Variants in COP1 observed in about 807,000 individuals in gnomAD.
COP1 encodes COP1 E3 ubiquitin ligase.
A neutral mutation model predicts 101.3 loss-of-function variants in COP1; 24 were observed. The observed-to-expected ratio is 0.24, with a 90% CI of 0.17 to 0.33. The LOEUF (loss-of-function observed/expected upper bound fraction) is 0.33. Ranked by LOEUF, COP1 falls within the 10% of genes least tolerant of loss-of-function variation. The probability of loss-of-function intolerance (pLI) is 1.00; values close to 1 mark genes in which losing one functional copy is unlikely to be tolerated. For missense variants in COP1, 663 were observed against 906.2 expected (o/e 0.73, Z 3.45); for synonymous variants, 347 against 341.9 (o/e 1.01, Z -0.17).
rs1361049286 is a variant in COP1 at position 175,947,270 on chromosome 1, G to C, written c.2134-31C>G. 3.3e-6 allele frequency: 5 copies of C among 1,525,574 alleles called. No homozygotes were observed. In the African/African-American group the frequency reaches 5.5e-5, roughly 17 times the overall value. The allele number at this position is 1,525,574 out of a possible 1,614,324, so 94.5% of individuals were successfully genotyped here. On this transcript the variant is annotated intron_variant, in intron 18 of 19. Transcript: ENST00000367669. The stretch of plus-strand genomic sequence containing the variant: ...AAAGAACAAGAGCTTTTAAAGTATA[G>C]AGAAGGATTTCCTGGAGAGCAATCC...
intron 15 of COP1, among the ~76,000 whole-genome samples, chr1:176,008,205 C>T (rs1055898035): frequency 5.9e-5 from 9 of 152,152 alleles, no homozygotes; most frequent in African/African-American, 9.7e-5. Flanking sequence ...CATCAGCTCG[C>T]GCACGGTGCA....
At chr1:176,201,210 T>A (rs1700231713) in intron 1 of COP1, among the ~76,000 whole-genome samples, 1 of 152,020 alleles carries the variant, frequency 6.6e-6, no homozygotes, top group Admixed American at 6.5e-5. Context: ...AAAAAACCCC[T>A]AAAATCCAAA....
intron 18 of COP1, among the ~76,000 whole-genome samples, chr1:175,970,559 G>C (rs993869805): frequency 6.6e-6 from 1 of 152,048 alleles, no homozygotes; most frequent in East Asian, 1.9e-4. Flanking sequence ...GTAGATATAG[G>C]AACGACATTG....
intron 9 of COP1, among the ~76,000 whole-genome samples, chr1:176,111,894 A>G (rs1558131470): frequency 6.6e-6 from 1 of 152,170 alleles, no homozygotes; most frequent in African/African-American, 2.4e-5. Context: ...TGTCAGCTCC[A>G]TCTCAACACT....
chr1:176,062,292 G>A (rs974174535), intron 11 of COP1, among the ~76,000 whole-genome samples: 5 of 152,226 alleles, frequency 3.3e-5, no homozygotes, highest in Admixed American at 2.0e-4. Flanking sequence ...ATGAGCCACT[G>A]AGCCCGGCCA....
At chr1:176,054,860 T>G (rs12144692) in intron 11 of COP1, among the ~76,000 whole-genome samples, 10,557 of 152,228 alleles carry the variant, frequency 0.069, 459 homozygotes, top group Admixed American at 0.087. Context: ...TACCATAACT[T>G]TACAAAAAAA....
chr1:176,188,834 T>TAG (rs1553314490), intron 1 of COP1, among the ~76,000 whole-genome samples: 1 of 148,416 alleles, frequency 6.7e-6, no homozygotes, highest in Non-Finnish European at 1.5e-5. Flanking sequence ...AACACATAGA[T>TAG]ACACACACAC....
At chr1:176,142,339 A>G (rs1345758961) in intron 6 of COP1, among the ~76,000 whole-genome samples, 2 of 152,138 alleles carry the variant, frequency 1.3e-5, no homozygotes, top group Non-Finnish European at 1.5e-5. Context: ...GAAATATAAA[A>G]CAAAAAATAA....
intron 18 of COP1, among the ~76,000 whole-genome samples, chr1:175,962,341 G>T (rs545716203): frequency 1.3e-5 from 2 of 152,112 alleles, no homozygotes; most frequent in Non-Finnish European, 2.9e-5. Flanking sequence ...TACCAAAGAT[G>T]AGATGGTACT....
At chr1:175,956,582 G>A (rs1203963404) in intron 18 of COP1, among the ~76,000 whole-genome samples, 1 of 151,986 alleles carries the variant, frequency 6.6e-6, no homozygotes, top group Non-Finnish European at 1.5e-5. Flanking sequence ...TTTTCTTAAA[G>A]TGACAATATC....
chr1:175,989,285 C>T, intron 16 of COP1, 77 bp downstream of exon 16: 2 of 737,776 alleles, frequency 2.7e-6, no homozygotes, highest in South Asian at 3.3e-5. Flanking sequence ...TTACATACAC[C>T]CTCAGTGACA....
intron 18 of COP1, among the ~76,000 whole-genome samples, chr1:175,961,790 G>C (rs1184977626): frequency 6.6e-6 from 1 of 150,424 alleles, no homozygotes; most frequent in African/African-American, 2.4e-5. Context: ...GAAAAGATAA[G>C]AAAGGCTTCA....
At chr1:176,163,138 T>C (rs981302427) in intron 4 of COP1, 150 bp from the exon 5 acceptor site, 1 of 589,818 alleles carries the variant, frequency 1.7e-6, no homozygotes, top group Non-Finnish European at 2.7e-6. Flanking sequence ...TCCTAGCTAG[T>C]GGCTCCCTAC....
intron 14 of COP1, among the ~76,000 whole-genome samples, chr1:176,031,491 T>C (rs1417541480): frequency 2.0e-5 from 3 of 152,188 alleles, no homozygotes; most frequent in Admixed American, 6.5e-5. Flanking sequence ...TCAGAATTTA[T>C]TGACGAAAAT....
chr1:176,190,936 T>G, intron 1 of COP1, among the ~76,000 whole-genome samples: 1 of 151,940 alleles, frequency 6.6e-6, no homozygotes, highest in Non-Finnish European at 1.5e-5. Flanking sequence ...ATAATAATAT[T>G]ACTGAGATAA....
chr1:176,153,230 T>G (rs1692897723), intron 5 of COP1, among the ~76,000 whole-genome samples: 1 of 152,144 alleles, frequency 6.6e-6, no homozygotes, highest in Admixed American at 6.5e-5. Flanking sequence ...GGCTTGTCAC[T>G]TATCTTTTAC....
chr1:176,094,048 G>T (rs1444132496), intron 9 of COP1, among the ~76,000 whole-genome samples: 4 of 148,816 alleles, frequency 2.7e-5, no homozygotes, highest in African/African-American at 9.8e-5. Context: ...AAAAAAAAGT[G>T]ATCTGTTTAA....
chr1:176,094,128 T>C (rs1413249562), intron 9 of COP1, among the ~76,000 whole-genome samples: 1 of 152,068 alleles, frequency 6.6e-6, no homozygotes, highest in African/African-American at 2.4e-5. Context: ...ACAGGGCATA[T>C]AAAACAAATA....
chr1:176,115,852 G>A (rs1686101509), intron 9 of COP1, among the ~76,000 whole-genome samples: 1 of 152,178 alleles, frequency 6.6e-6, no homozygotes, highest in Admixed American at 6.5e-5. Context: ...GATGAAGAGA[G>A]TAAAGGTTAA....
Sources: allele counts gnomAD v4.1 joint callset (sites outside exome capture counted in the v4.1 genomes callset), GRCh38; gene constraint gnomAD v4.1.1; transcripts MANE v1.5; gene names NCBI Gene and HGNC (gene_info 2026-07-23, HGNC 2026-07-21).